CLEC2B: variants seen among roughly 807,000 people sequenced by gnomAD.
CLEC2B encodes C-type lectin domain family 2 member B.
CLEC2B carries 14 observed loss-of-function variants against 16.2 expected under a neutral mutation model. That is an observed-to-expected ratio of 0.86 (90% CI 0.57 to 1.35). The LOEUF is 1.35. CLEC2B is among the 40% of genes most tolerant of loss of function. The pLI, the probability that CLEC2B is intolerant of heterozygous loss-of-function variation, is 0.00. For missense variants in CLEC2B, 166 were observed against 182.3 expected (o/e 0.91, Z 0.52); for synonymous variants, 42 against 55.8 (o/e 0.75, Z 1.10).
intron 3 of CLEC2B, 54 bp from the exon 4 acceptor site, chr12:9,854,538 T>G (rs528291454): frequency 8.7e-7 from 1 of 1,144,578 alleles, no homozygotes; most frequent in East Asian, 2.4e-5. Flanking sequence ...TATGACAACC[T>G]ACTGTGTACC....
At position 9,853,180 on chromosome 12, in the gene CLEC2B, C is replaced by T. The variant is rs111861666; in HGVS notation, c.*120G>A. Reference sequence around the variant, plus strand: ...AGTGGCTTTTATGTGTAGCCTGACACGTAAGCAGAATTAACCAGACAGGTA... The same window carrying T: ...AGTGGCTTTTATGTGTAGCCTGACATGTAAGCAGAATTAACCAGACAGGTA... On this transcript the variant is annotated 3_prime_UTR_variant, in exon 5 of 5. Transcript: ENST00000228438. The T allele has an allele frequency of 2.1e-5, 16 of 754,672 alleles. No individual in the cohort carries two copies. The highest frequency in any genetic ancestry group is 1.3e-4 in the South Asian group (8 of 60,794). The allele number at this position is 754,672 out of a possible 1,614,324, so 46.7% of individuals were successfully genotyped here. A position where few individuals can be genotyped will look rare whatever the true frequency, so the allele number is the denominator to read the frequency against.
At chr12:9,854,741 T>C in intron 3 of CLEC2B, 1 of 476,678 alleles carries the variant, frequency 2.1e-6, no homozygotes, top group Non-Finnish European at 3.7e-6. Flanking sequence ...TGAATATCTA[T>C]TCCTTCACAA....
chr12:9,868,943 ATACT>A (rs1423645911), intron 1 of CLEC2B, among the ~76,000 whole-genome samples: 1 of 152,138 alleles, frequency 6.6e-6, no homozygotes, highest in African/African-American at 2.4e-5. Context: ...GTTTTATAAA[ATACT>A]TAGTAAAAAT....
chr12:9,868,009 AACTG>A (rs1241469077), intron 1 of CLEC2B, among the ~76,000 whole-genome samples: 1 of 151,650 alleles, frequency 6.6e-6, no homozygotes, highest in African/African-American at 2.4e-5. Context: ...TGTATATAAA[AACTG>A]ACTGAATTAT....
At chr12:9,857,356 T>A in intron 3 of CLEC2B, 118 bp downstream of exon 3, 1 of 739,730 alleles carries the variant, frequency 1.4e-6, no homozygotes, top group Non-Finnish European at 2.2e-6. Flanking sequence ...TCTGAACATC[T>A]TCAATTTTCT....
At chr12:9,867,454 C>T (rs1447395907) in intron 1 of CLEC2B, among the ~76,000 whole-genome samples, 1 of 152,072 alleles carries the variant, frequency 6.6e-6, no homozygotes, top group Non-Finnish European at 1.5e-5. Flanking sequence ...TTACACTCAG[C>T]ATAAGTTGTT....
At chr12:9,862,126 A>G (rs1867937236) in intron 2 of CLEC2B, among the ~76,000 whole-genome samples, 1 of 152,110 alleles carries the variant, frequency 6.6e-6, no homozygotes. Flanking sequence ...AAATTGCATG[A>G]CTGTATTTAT....
intron 1 of CLEC2B, among the ~76,000 whole-genome samples, chr12:9,865,806 C>A (rs1445272685): frequency 6.6e-6 from 1 of 152,132 alleles, no homozygotes; most frequent in Non-Finnish European, 1.5e-5. Context: ...AATCAAGTAT[C>A]TTTTCTGACC....
chr12:9,857,360 A>G, intron 3 of CLEC2B, 114 bp downstream of exon 3: 2 of 760,466 alleles, frequency 2.6e-6, no homozygotes, highest in South Asian at 1.8e-5. Context: ...AACATCTTCA[A>G]TTTTCTGCAT....
At chr12:9,866,007 AAAG>A (rs1211411097) in intron 1 of CLEC2B, among the ~76,000 whole-genome samples, 2 of 152,170 alleles carry the variant, frequency 1.3e-5, no homozygotes, top group African/African-American at 2.4e-5. Flanking sequence ...AAAGCAGTAC[AAAG>A]AAGGAAGTTT....
At chr12:9,856,033 G>A (rs1022291600) in intron 3 of CLEC2B, among the ~76,000 whole-genome samples, 7 of 152,026 alleles carry the variant, frequency 4.6e-5, no homozygotes, top group South Asian at 2.1e-4. Context: ...TTTATGATCA[G>A]TATTTTTTCT....
chr12:9,864,351 A>C (rs1021218154), intron 1 of CLEC2B, among the ~76,000 whole-genome samples: 2 of 152,192 alleles, frequency 1.3e-5, no homozygotes, highest in African/African-American at 4.8e-5. Flanking sequence ...AACAGAAAAC[A>C]GCTGAATATC....
At chr12:9,855,022 G>A (rs1385432590) in intron 3 of CLEC2B, among the ~76,000 whole-genome samples, 1 of 152,016 alleles carries the variant, frequency 6.6e-6, no homozygotes, top group African/African-American at 2.4e-5. Context: ...ACATCATTCA[G>A]AAATAAATAC....
intron 1 of CLEC2B, among the ~76,000 whole-genome samples, chr12:9,868,827 C>G (rs1404780890): frequency 2.6e-5 from 4 of 152,076 alleles, no homozygotes; most frequent in South Asian, 4.1e-4. Flanking sequence ...TCCAATAAAG[C>G]AATCTTTAAA....
chr12:9,862,709 G>T (rs1196748349), intron 1 of CLEC2B, 136 bp from the exon 2 acceptor site: 4 of 735,794 alleles, frequency 5.4e-6, no homozygotes, highest in Non-Finnish European at 7.5e-6. Context: ...CAATATCCTA[G>T]AATTCAAATA....
chr12:9,853,057 A>AAAAG lies in CLEC2B; in HGVS notation c.*239_*242dup, dbSNP rs1229892834. On this transcript the variant is annotated 3_prime_UTR_variant, in exon 5 of 5. Coordinates refer to ENST00000228438, the MANE Select transcript of CLEC2B (RefSeq NM_005127.3). The stretch of plus-strand genomic sequence containing the variant: ...AATTGTTTTCTGGTTTACAGTTAAA[A>AAAAG]AAAGAAAGAAAGAAAGAAAGAAAGA... 4.0e-5 allele frequency: 4 copies of AAAAG among 98,936 alleles called. No homozygotes were observed. Among genetic ancestry groups the AAAAG allele is most frequent in the East Asian group, 4.8e-4 (2 of 4,126 alleles). 6.1% of individuals were successfully genotyped at this position (98,936 alleles called of 1,614,324 possible).
At chr12:9,859,979 T>C (rs776356479) in intron 2 of CLEC2B, among the ~76,000 whole-genome samples, 2 of 151,682 alleles carry the variant, frequency 1.3e-5, no homozygotes, top group African/African-American at 4.8e-5. Flanking sequence ...CATTTGATAT[T>C]TTAAATTAAA....
chr12:9,863,101 G>A (rs1383027531), intron 1 of CLEC2B, among the ~76,000 whole-genome samples: 1 of 152,134 alleles, frequency 6.6e-6, no homozygotes, highest in Non-Finnish European at 1.5e-5. Flanking sequence ...CATGGTATAG[G>A]AGGTTTGTTG....
At chr12:9,858,031 A>G (rs577653434) in intron 2 of CLEC2B, among the ~76,000 whole-genome samples, 10 of 152,046 alleles carry the variant, frequency 6.6e-5, no homozygotes, top group Non-Finnish European at 8.8e-5. Context: ...TCTACAAAGA[A>G]GCAACAAAAA....
Sources: allele counts gnomAD v4.1 joint callset (sites outside exome capture counted in the v4.1 genomes callset), GRCh38; gene constraint gnomAD v4.1.1; transcripts MANE v1.5; gene names NCBI Gene and HGNC (gene_info 2026-07-23, HGNC 2026-07-21).